Variants in SYNPR observed in about 807,000 individuals in gnomAD.
The protein encoded by SYNPR is synaptoporin.
In SYNPR, 23 loss-of-function variants were observed where a neutral mutation model predicts 32.9. The observed-to-expected ratio is 0.70, with a 90% CI of 0.50 to 0.99. The LOEUF (loss-of-function observed/expected upper bound fraction) is 0.99. Ranked by LOEUF, SYNPR falls within the 50% of genes least tolerant of loss-of-function variation. SYNPR has a pLI of 0.00. For synonymous variants in SYNPR, 146 were observed against 135.9 expected, an observed-to-expected ratio of 1.07 and a Z score of -0.52; for missense variants, 318 against 349.3, an observed-to-expected ratio of 0.91 and a Z score of 0.71.
intron 4 of SYNPR, among the ~76,000 whole-genome samples, chr3:63,558,491 C>A (rs766632938): frequency 1.3e-5 from 2 of 152,088 alleles, no homozygotes; most frequent in Non-Finnish European, 2.9e-5. Context: ...TGCCACCACA[C>A]CCAGCTAGTT....
At chr3:63,417,903 G>T (rs1279085635) in intron 2 of SYNPR, among the ~76,000 whole-genome samples, 1 of 152,156 alleles carries the variant, frequency 6.6e-6, no homozygotes, top group African/African-American at 2.4e-5. Context: ...TGATGGGAGG[G>T]GCTGCTGTGA....
rs114882027 is a variant in SYNPR, at chr3:63,483,957, C to A, written c.209+3001C>A. On this transcript the variant is annotated intron_variant, in intron 3 of 5. Transcript: ENST00000478300. Reference sequence around the variant, plus strand: ...CAGTGTATTGCAAAGAGCAAAAGGACAATAAACTCAAGTCATTTGAACAAA... The same window carrying A: ...CAGTGTATTGCAAAGAGCAAAAGGAAAATAAACTCAAGTCATTTGAACAAA... Among the ~76,000 whole-genome samples the A allele has an allele frequency of 5.3e-3, 801 of 152,134 alleles. 11 individuals carry two copies. The highest frequency in any genetic ancestry group is 0.018 in the African/African-American group (749 of 41,512).
At chr3:63,560,388 G>T (rs1476258387) in intron 4 of SYNPR, among the ~76,000 whole-genome samples, 1 of 152,194 alleles carries the variant, frequency 6.6e-6, no homozygotes, top group East Asian at 1.9e-4. Flanking sequence ...GGGGTGCTAT[G>T]ACACCATTTG....
At chr3:63,256,732 G>C (rs1378604521) in intron 2 of SYNPR, among the ~76,000 whole-genome samples, 2 of 152,198 alleles carry the variant, frequency 1.3e-5, no homozygotes, top group Non-Finnish European at 2.9e-5. Flanking sequence ...TGACTTTGAC[G>C]AGTTGAGAGA....
chr3:63,268,133 TGAGAGGGGAAGTCC>T (rs2106906657), intron 3 of SYNPR, among the ~76,000 whole-genome samples: 1 of 152,246 alleles, frequency 6.6e-6, no homozygotes, highest in Admixed American at 6.5e-5. Context: ...AAGGTGTAAG[TGAGAGGGGAAGTCC>T]CCAAAGACAG....
At chr3:63,344,852 T>C (rs761403974) in intron 2 of SYNPR, among the ~76,000 whole-genome samples, 12 of 152,154 alleles carry the variant, frequency 7.9e-5, no homozygotes, top group Admixed American at 5.9e-4. Flanking sequence ...TGGTGATTGG[T>C]TGGGTTCAGC....
At chr3:63,407,986 G>T (rs908755290) in intron 2 of SYNPR, among the ~76,000 whole-genome samples, 1 of 151,652 alleles carries the variant, frequency 6.6e-6, no homozygotes, top group Non-Finnish European at 1.5e-5. Flanking sequence ...AATGATTCAC[G>T]GGCATCTTTA....
intron 2 of SYNPR, among the ~76,000 whole-genome samples, chr3:63,402,051 C>T (rs890211525): frequency 2.0e-5 from 3 of 151,414 alleles, no homozygotes; most frequent in African/African-American, 7.4e-5. Context: ...TCCTTAATTT[C>T]ATATACTCAA....
intron 2 of SYNPR, among the ~76,000 whole-genome samples, chr3:63,403,517 C>T (rs892792736): frequency 1.3e-5 from 2 of 151,574 alleles, no homozygotes; most frequent in African/African-American, 4.9e-5. Context: ...TCACAATAAC[C>T]CCACAAAGTG....
At chr3:63,507,142 G>C (rs1375920840) in intron 3 of SYNPR, among the ~76,000 whole-genome samples, 1 of 150,280 alleles carries the variant, frequency 6.7e-6, no homozygotes, top group African/African-American at 2.5e-5. Context: ...GCGAGACTCT[G>C]TCTCAAAAAA....
Position 63,615,462 on chromosome 3 carries a change from C to A in SYNPR, c.839C>A (p.Ser280Tyr). The A allele has an allele frequency of 6.2e-7, 1 of 1,613,976 alleles. No individual in the cohort carries two copies. The highest frequency in any genetic ancestry group is 8.5e-7 in the Non-Finnish European group (1 of 1,179,866). ...EFGQQPTGPT[S>Y]FTNQI ...GGCCAACAGCCTACTGGCCCCACTT[C>A]CTTTACCAATCAGATTTAACAGAGT... Residue 280 changes from serine to tyrosine, a missense_variant, in exon 6 of 6, where the codon TCC (serine) becomes TAC (tyrosine). Ser to Tyr is a moderately radical substitution (Grantham distance 144, BLOSUM62 -2). Transcript: ENST00000478300.
At chr3:63,483,142 T>C (rs1475816609) in intron 3 of SYNPR, among the ~76,000 whole-genome samples, 3 of 152,202 alleles carry the variant, frequency 2.0e-5, no homozygotes, top group African/African-American at 4.8e-5. Flanking sequence ...TTCATATAAA[T>C]ACACAAATAT....
chr3:63,497,149 A>G (rs1003465098), intron 3 of SYNPR, among the ~76,000 whole-genome samples: 2 of 152,188 alleles, frequency 1.3e-5, no homozygotes, highest in South Asian at 4.1e-4. Context: ...AATCTTTACT[A>G]ATGACAAAGA....
intron 3 of SYNPR, among the ~76,000 whole-genome samples, chr3:63,517,615 G>A (rs17338331): frequency 0.21 from 32,288 of 152,028 alleles, 3,498 homozygotes; most frequent in East Asian, 0.29. Context: ...TTGCCCTTGC[G>A]CTCATTTAAG....
intron 3 of SYNPR, among the ~76,000 whole-genome samples, chr3:63,521,011 A>G (rs1701903632): frequency 6.6e-6 from 1 of 152,208 alleles, no homozygotes; most frequent in Non-Finnish European, 1.5e-5. Context: ...GGAGAAAGAA[A>G]CAAGCAAGTG....
intron 3 of SYNPR, among the ~76,000 whole-genome samples, chr3:63,547,786 C>T (rs188572572): frequency 6.0e-4 from 92 of 152,262 alleles, no homozygotes; most frequent in Non-Finnish European, 9.6e-4. Flanking sequence ...TGGGGTCATA[C>T]GGACTCCATT....
chr3:63,226,206 G>A (rs2086126909), upstream of SYNPR, among the ~76,000 whole-genome samples: 1 of 145,648 alleles, frequency 6.9e-6, no homozygotes, highest in African/African-American at 2.4e-5. Context: ...AACAACAGAT[G>A]CTGGAAAAGA....
chr3:63,547,110 G>A (rs557315213), intron 3 of SYNPR, among the ~76,000 whole-genome samples: 5 of 152,146 alleles, frequency 3.3e-5, no homozygotes, highest in African/African-American at 7.2e-5. Flanking sequence ...AAATGTGTGT[G>A]TACTAGATCG....
chr3:63,316,773 G>A (rs1244923891), intron 2 of SYNPR, among the ~76,000 whole-genome samples: 1 of 151,616 alleles, frequency 6.6e-6, no homozygotes, highest in Non-Finnish European at 1.5e-5. Flanking sequence ...ATTCTGCTGG[G>A]TTAGGGGTTG....
Sources: gnomAD v4.1 joint callset for allele counts (sites outside exome capture counted in the v4.1 genomes callset) on GRCh38, gnomAD v4.1.1 for gene constraint, MANE v1.5 for transcripts, NCBI Gene and HGNC (gene_info 2026-07-23, HGNC 2026-07-21) for gene names.